Variants in ADGRF5 observed in about 807,000 individuals in gnomAD.
ADGRF5 encodes G-protein coupled receptor 116.
Under a neutral mutation model 132.3 loss-of-function variants are expected in ADGRF5, and 75 were observed. That is an observed-to-expected ratio of 0.57 (90% confidence interval 0.47 to 0.69). The LOEUF (loss-of-function observed/expected upper bound fraction) is 0.69, where lower values mean the gene tolerates loss of function less well. Ranked by LOEUF, ADGRF5 falls within the 30% of genes least tolerant of loss-of-function variation. The pLI is 0.00. For synonymous variants in ADGRF5, 629 were observed against 597.6 expected, an observed-to-expected ratio of 1.05 and a Z score of -0.77; for missense variants, 1,516 against 1,630.6, an observed-to-expected ratio of 0.93 and a Z score of 1.21.
At chr6:46,895,718 C>T (rs1774110737) in intron 3 of ADGRF5, among the ~76,000 whole-genome samples, 1 of 151,392 alleles carries the variant, frequency 6.6e-6, no homozygotes, top group Non-Finnish European at 1.5e-5. Context: ...TCTTCAGCAC[C>T]AGGCTCCAAG....
At chr6:46,876,971 A>T (rs781227948) in intron 10 of ADGRF5, among the ~76,000 whole-genome samples, 1 of 152,250 alleles carries the variant, frequency 6.6e-6, no homozygotes, top group Non-Finnish European at 1.5e-5. Flanking sequence ...AAGGTTCACC[A>T]CACTAATGTA....
In ADGRF5 at chr6:46,927,560, A is replaced by G. The variant is rs1777318367; in HGVS notation, c.-24-20774T>C. On this transcript the variant is annotated intron_variant, in intron 1 of 20. Coordinates refer to the ADGRF5 transcript ENST00000265417. The stretch of plus-strand genomic sequence containing the variant: ...AAGTAGAATAAGGACACATAGAGGT[A>G]AACTCCTGTTACACCTCTGTACTGA... 2.0e-5 allele frequency among the ~76,000 whole-genome samples: 3 copies of G among 152,188 alleles called. No homozygotes were observed. The South Asian group carries it at 6.2e-4, about 32-fold the overall frequency.
chr6:46,876,235 G>A (rs574754959), intron 10 of ADGRF5, among the ~76,000 whole-genome samples: 3 of 152,328 alleles, frequency 2.0e-5, no homozygotes, highest in Admixed American at 1.3e-4. Flanking sequence ...AGGTCCCCAG[G>A]CTGCCAGCCC....
At chr6:46,942,428 C>A (rs988216584) in intron 1 of ADGRF5, among the ~76,000 whole-genome samples, 2 of 152,236 alleles carry the variant, frequency 1.3e-5, no homozygotes, top group Non-Finnish European at 2.9e-5. Context: ...TGGGCTATGG[C>A]ATGAGGCTCT....
In ADGRF5 at chr6:46,899,354, A is replaced by G. The variant is rs1187605050; in HGVS notation, c.157+675T>C. ...GAAGAGTTCTATGGGGGCAAATGAC[A>G]GGATCCGATTTGTGCTTTTGAAGGG... On this transcript the variant is annotated intron_variant, in intron 3 of 20. Coordinates refer to ENST00000283296, the MANE Select transcript of ADGRF5 (RefSeq NM_001098518.2). Among the ~76,000 whole-genome samples the G allele has an allele frequency of 3.9e-5, 6 of 152,060 alleles. No individual in the cohort carries two copies. In the South Asian group the frequency reaches 1.0e-3, roughly 26 times the overall value.
intron 10 of ADGRF5, 42 bp from the exon 11 acceptor site, chr6:46,872,055 T>A: frequency 2.1e-6 from 3 of 1,443,804 alleles, no homozygotes; most frequent in East Asian, 4.6e-5. Context: ...GCTGGCTAAC[T>A]CTTTTATTTA....
Position 46,860,727 on chromosome 6 carries a change from T to A in ADGRF5, c.2367A>T (p.Ser789=). 1 of 1,611,872 alleles carries A rather than the reference T, an allele frequency of 6.2e-7. No homozygotes were observed. Among genetic ancestry groups the A allele is most frequent in the South Asian group, 1.1e-5 (1 of 90,900 alleles). Residue 789 remains serine (S), a synonymous_variant, in exon 16 of 21, where the codon TCA becomes TCT. Coordinates refer to ENST00000283296, the MANE Select transcript of ADGRF5 (RefSeq NM_001098518.2). ...TAAGCAAACTCACCGTCATCATTTC[T>A]GAATTTACTTGGGTTGGAACTGTTG... ...LLSTVPTQVN[S]EMMTHVLSTV... is the part of the protein sequence containing the mutation.
At chr6:46,941,426 GA>G (rs1249035730) in intron 1 of ADGRF5, among the ~76,000 whole-genome samples, 7 of 43,224 alleles carry the variant, frequency 1.6e-4, no homozygotes, top group South Asian at 9.0e-4. Context: ...GAAAAGAAAA[GA>G]AAAGAAAAGA....
At chr6:46,950,020 A>G (rs1778438919) in intron 1 of ADGRF5, among the ~76,000 whole-genome samples, 1 of 152,196 alleles carries the variant, frequency 6.6e-6, no homozygotes, top group South Asian at 2.1e-4. Context: ...CTCTAGCCTG[A>G]TGATATTTTT....
chr6:46,867,689 A>G (rs1343588216), intron 12 of ADGRF5, among the ~76,000 whole-genome samples: 1 of 152,136 alleles, frequency 6.6e-6, no homozygotes, highest in Non-Finnish European at 1.5e-5. Context: ...AGACCCTTCA[A>G]TTTTCTTTAC....
rs373358338 is a variant in ADGRF5, at chr6:46,855,492, C to T, written c.3961+482G>A. Among the ~76,000 whole-genome samples the T allele has an allele frequency of 7.6e-4, 116 of 152,252 alleles. 1 individual carries two copies. In the South Asian group the frequency reaches 0.018, roughly 24 times the overall value. On this transcript the variant is annotated intron_variant, in intron 20 of 20. Transcript: ENST00000283296. The stretch of plus-strand genomic sequence containing the variant: ...CGTAATGCATGCACAGTTCTATACG[C>T]TTCAATGTGTAACACAAGCACACTT...
chr6:46,903,428 C>G (rs1774980937), intron 2 of ADGRF5: 2 of 152,198 alleles, frequency 1.3e-5, no homozygotes, highest in Non-Finnish European at 2.9e-5. Context: ...AGGAAGTGCC[C>G]CACCTGTCGG....
At chr6:46,893,770 C>A (rs1424679512) in intron 3 of ADGRF5, among the ~76,000 whole-genome samples, 1 of 152,148 alleles carries the variant, frequency 6.6e-6, no homozygotes, top group African/African-American at 2.4e-5. Flanking sequence ...TGGAAGGTAG[C>A]CAATTCCAGG....
At chr6:46,871,056 A>G (rs1314740041) in intron 11 of ADGRF5, among the ~76,000 whole-genome samples, 1 of 151,600 alleles carries the variant, frequency 6.6e-6, no homozygotes, top group African/African-American at 2.4e-5. Context: ...TGATCTTTGT[A>G]AAAATGCTAA....
Position 46,868,927 on chromosome 6 carries a change from G to A in ADGRF5, c.1577C>T (p.Ala526Val). Reference sequence around the variant, plus strand: ...GGTCTTGACTGTCAGTACTGATTCTGCTCCATCAAGATACCTCCTCGTGGT... The same window carrying A: ...GGTCTTGACTGTCAGTACTGATTCTACTCCATCAAGATACCTCCTCGTGGT... Reference protein sequence around the residue: ...FYTTRRYLDGAESVLTVKTST... With the variant: ...FYTTRRYLDGVESVLTVKTST... The change falls in exon 12 of 21, where the codon GCA becomes GTA. Residue 526 changes from alanine (A) to valine (V), a missense_variant. Coordinates refer to ENST00000283296, the MANE Select transcript of ADGRF5 (RefSeq NM_001098518.2). 1.9e-6 allele frequency: 3 copies of A among 1,613,382 alleles called. No homozygotes were observed. Among genetic ancestry groups the A allele is most frequent in the Non-Finnish European group, 2.5e-6 (3 of 1,179,376 alleles).
chr6:46,935,363 T>C (rs1430034500), intron 1 of ADGRF5, among the ~76,000 whole-genome samples: 1 of 152,166 alleles, frequency 6.6e-6, no homozygotes, highest in Non-Finnish European at 1.5e-5. Flanking sequence ...CTACGAACAA[T>C]GCACCACCTT....
At chr6:46,866,170 T>G (rs904322441) in intron 13 of ADGRF5, among the ~76,000 whole-genome samples, 2 of 152,204 alleles carry the variant, frequency 1.3e-5, no homozygotes, top group East Asian at 3.8e-4. Flanking sequence ...TTGGCACTCC[T>G]GAACCACAAA....
At chr6:46,927,966 T>C (rs936776307) in intron 1 of ADGRF5, among the ~76,000 whole-genome samples, 3 of 152,202 alleles carry the variant, frequency 2.0e-5, no homozygotes, top group African/African-American at 7.2e-5. Flanking sequence ...TATTGCCCTC[T>C]TGAGACAGAC....
Position 46,906,756 on chromosome 6 carries a change from A to G in ADGRF5, c.7T>C (p.Ser3Pro). 1.9e-6 allele frequency: 3 copies of G among 1,575,716 alleles called. No individual in the cohort carries two copies. The highest frequency in any genetic ancestry group is 2.6e-6 in the Non-Finnish European group (3 of 1,145,212). ...AGGCACAAAGTGGTTCTCCTTGGGGATTTCATGTCTTCAAGTTTGAGTTGG... is the reference window on the plus strand; with the variant it reads ...AGGCACAAAGTGGTTCTCCTTGGGGGTTTCATGTCTTCAAGTTTGAGTTGG... MK[S>P]PRRTTLCLMF... The change falls in exon 2 of 21, where the codon TCC (serine) becomes CCC (proline). Residue 3 changes from serine to proline, a missense_variant. By Grantham distance (74) the Ser-to-Pro change is moderately conservative. Transcript: ENST00000283296.
Sources: allele counts gnomAD v4.1 joint callset (sites outside exome capture counted in the v4.1 genomes callset), GRCh38; gene constraint gnomAD v4.1.1; transcripts MANE v1.5; gene names NCBI Gene and HGNC (gene_info 2026-07-23, HGNC 2026-07-21).